The following CEP63 variants were observed in gnomAD, a reference collection of about 807,000 sequenced individuals.
CEP63 encodes centrosomal protein of 63 kDa.
In CEP63, 84 loss-of-function variants were observed where a neutral mutation model predicts 89.1. That is an observed-to-expected ratio of 0.94 (90% CI 0.79 to 1.13). The LOEUF is 1.13. CEP63 is among the 50% of genes most tolerant of loss of function. The pLI is 0.00. For missense variants in CEP63, 838 were observed against 813.3 expected (o/e 1.03, Z -0.37); for synonymous variants, 267 against 272.5 (o/e 0.98, Z 0.20).
chr3:134,495,998 A>G (rs762875266), intron 2 of CEP63, among the ~76,000 whole-genome samples: 4 of 152,162 alleles, frequency 2.6e-5, no homozygotes, highest in Non-Finnish European at 5.9e-5. Flanking sequence ...AGTCAATTCC[A>G]TATCTTGGTT....
chr3:134,587,019 C>T (rs1019858614), intron 10 of CEP63, among the ~76,000 whole-genome samples: 5 of 152,168 alleles, frequency 3.3e-5, no homozygotes, highest in Non-Finnish European at 7.3e-5. Flanking sequence ...ACGAAGTTCT[C>T]GTGCCATGGT....
the CEP63 span, among the ~76,000 whole-genome samples, chr3:134,744,315 A>G: frequency 6.6e-6 from 1 of 152,228 alleles, no homozygotes; most frequent in Non-Finnish European, 1.5e-5. Context: ...AGGGATCATT[A>G]GGCTATACCT....
chr3:134,510,898 C>A lies in CEP63; in HGVS notation c.222+3612C>A, dbSNP rs140593751. The A allele has an allele frequency of 3.3e-4, 66 of 202,638 alleles. 1 individual carries two copies. Among genetic ancestry groups the A allele is most frequent in the Middle Eastern group, 3.4e-3 (2 of 590 alleles). The allele number at this position is 202,638 out of a possible 1,614,324, so 12.6% of individuals were successfully genotyped here. A position where few individuals can be genotyped will look rare whatever the true frequency, so the allele number is the denominator to read the frequency against. On this transcript the variant is annotated intron_variant, in intron 3 of 14. Transcript: ENST00000675561. ...CTCTTCCAAGGCAGGCAGCACCCCC[C>A]CAAGAGGGAAGAGCCATCTCAGGAG...
the CEP63 span, among the ~76,000 whole-genome samples, chr3:134,645,789 G>A: frequency 6.6e-5 from 10 of 152,236 alleles, no homozygotes; most frequent in East Asian, 1.7e-3. Context: ...GACACATAGT[G>A]CTAAGACCCA....
At position 134,562,342 on chromosome 3, in the gene CEP63, G is replaced by C. The variant is rs1026188660; in HGVS notation, c.*807G>C. ...AGAGGAGCAGGAGGCTGGGTTTGGGGCCCTGAAAGATGCCAGCATCTGAGG... is the reference window on the plus strand; with the variant it reads ...AGAGGAGCAGGAGGCTGGGTTTGGGCCCCTGAAAGATGCCAGCATCTGAGG... On this transcript the variant is annotated 3_prime_UTR_variant, in exon 15 of 15. Transcript: ENST00000675561. The C allele has an allele frequency of 2.2e-5, 10 of 452,578 alleles. No homozygotes were observed. Among genetic ancestry groups the C allele is most frequent in the Non-Finnish European group, 2.6e-5 (9 of 342,964 alleles). The allele number at this position is 452,578 out of a possible 1,614,324, so 28.0% of individuals were successfully genotyped here.
chr3:134,640,603 T>C, the CEP63 span, among the ~76,000 whole-genome samples: 1 of 152,092 alleles, frequency 6.6e-6, no homozygotes, highest in African/African-American at 2.4e-5. Context: ...TTGTCAAGGC[T>C]CATGAGATGA....
At chr3:134,640,519 C>T in the CEP63 span, among the ~76,000 whole-genome samples, 4 of 152,082 alleles carry the variant, frequency 2.6e-5, no homozygotes, top group African/African-American at 4.8e-5. Flanking sequence ...CTCTGGTCAA[C>T]GCTATTACTG....
the CEP63 span, among the ~76,000 whole-genome samples, chr3:134,711,396 G>A: frequency 6.6e-6 from 1 of 152,136 alleles, no homozygotes; most frequent in Non-Finnish European, 1.5e-5. Flanking sequence ...ATTCCTCTAT[G>A]TTTCCTGGTT....
chr3:134,523,382 A>C (rs181823956), intron 3 of CEP63, among the ~76,000 whole-genome samples: 1 of 152,238 alleles, frequency 6.6e-6, no homozygotes, highest in East Asian at 1.9e-4. Flanking sequence ...TTTGCTGTAA[A>C]GAAACTCTTT....
chr3:134,768,342 G>A, the CEP63 span, among the ~76,000 whole-genome samples: 2 of 152,174 alleles, frequency 1.3e-5, no homozygotes, highest in African/African-American at 4.8e-5. Flanking sequence ...AATTTTTCAG[G>A]AACAAGGACC....
chr3:134,715,739 C>T, the CEP63 span, among the ~76,000 whole-genome samples: 43 of 152,124 alleles, frequency 2.8e-4, no homozygotes, highest in African/African-American at 9.6e-4. Context: ...TAGAAGGAAG[C>T]TCACAATTGA....
chr3:134,748,696 T>C, the CEP63 span, among the ~76,000 whole-genome samples: 3 of 152,188 alleles, frequency 2.0e-5, no homozygotes, highest in African/African-American at 4.8e-5. Context: ...TGATGACTGA[T>C]GGGCAGTGCT....
chr3:134,740,375 G>A, the CEP63 span, among the ~76,000 whole-genome samples: 8 of 151,826 alleles, frequency 5.3e-5, no homozygotes, highest in Admixed American at 5.3e-4. Context: ...TCAGCTCACT[G>A]CAAGCTCCGC....
chr3:134,495,307 A>G lies in CEP63; in HGVS notation c.-14A>G. The G allele has an allele frequency of 6.2e-7, 1 of 1,613,002 alleles. No individual in the cohort carries two copies. Among genetic ancestry groups the G allele is most frequent in the Non-Finnish European group, 8.5e-7 (1 of 1,179,108 alleles). ...TTTTTCTTTGTCAGTTGCCAAAACA[A>G]AGGGGATTTGGTGATGGAGGCTTTG... On this transcript the variant is annotated 5_prime_UTR_variant, in exon 2 of 15. Transcript: ENST00000675561.
chr3:134,652,316 T>A, the CEP63 span, among the ~76,000 whole-genome samples: 2 of 152,068 alleles, frequency 1.3e-5, no homozygotes, highest in Non-Finnish European at 2.9e-5. Context: ...GAGTGACAAG[T>A]GACTGATGGA....
At chr3:134,606,343 G>A in the CEP63 span, among the ~76,000 whole-genome samples, 1 of 152,188 alleles carries the variant, frequency 6.6e-6, no homozygotes. Flanking sequence ...GGAGAAGCCT[G>A]TCTCTTCCTG....
chr3:134,707,741 T>TTTC, the CEP63 span, among the ~76,000 whole-genome samples: 18 of 126,926 alleles, frequency 1.4e-4, no homozygotes, highest in South Asian at 4.6e-4. Context: ...ATTCTTTTCT[T>TTTC]TTTTTTTTTT....
At chr3:134,492,069 TC>T (rs1937703441) in intron 1 of CEP63, among the ~76,000 whole-genome samples, 1 of 116,620 alleles carries the variant, frequency 8.6e-6, no homozygotes, top group East Asian at 2.8e-4. Flanking sequence ...CTATTTGTAT[TC>T]TTTTTTTTTT....
chr3:134,547,418 T>C lies in CEP63; in HGVS notation c.1013T>C (p.Phe338Ser), dbSNP rs1287705013. The change falls in exon 9 of 15, where the codon TTT becomes TCT. Residue 338 changes from phenylalanine to serine, a missense_variant. By Grantham distance (155) the Phe-to-Ser change is radical. Transcript: ENST00000675561. ...GACAGTGTGCTCTCCCAGTTGAATT[T>C]TACCCATACTAGTGAGGACCTTCTG... ...DLDSVLSQLNFTHTSEDLLQA... is the reference protein window; with the variant it reads ...DLDSVLSQLNSTHTSEDLLQA... 1 of 1,613,830 alleles carries C rather than the reference T, an allele frequency of 6.2e-7. No individual in the cohort carries two copies. Among genetic ancestry groups the C allele is most frequent in the South Asian group, 1.1e-5 (1 of 91,076 alleles).
Sources: allele counts gnomAD v4.1 joint callset (sites outside exome capture counted in the v4.1 genomes callset), GRCh38; gene constraint gnomAD v4.1.1; transcripts MANE v1.5; gene names NCBI Gene and HGNC (gene_info 2026-07-23, HGNC 2026-07-21).